The following EEF2KMT variants were observed in gnomAD, a reference collection of about 807,000 sequenced individuals.
The protein encoded by EEF2KMT is protein-lysine N-methyltransferase EEF2KMT.
In EEF2KMT, 30 loss-of-function variants were observed where a neutral mutation model predicts 35.1. The ratio of observed to expected loss-of-function variants is 0.85; its 90% CI spans 0.64 to 1.16. EEF2KMT has a LOEUF of 1.16. Among genes scored for constraint, EEF2KMT ranks in the 50% most tolerant of loss-of-function variants. The probability of loss-of-function intolerance (pLI) is 0.00; values close to 1 mark genes in which losing one functional copy is unlikely to be tolerated. For synonymous variants in EEF2KMT, 190 were observed against 187.7 expected (o/e 1.01, Z -0.10); for missense variants, 499 against 438.2 (o/e 1.14, Z -1.24).
intron 4 of EEF2KMT, among the ~76,000 whole-genome samples, chr16:5,091,458 A>C (rs1013572648): frequency 4.6e-5 from 7 of 151,400 alleles, no homozygotes; most frequent in Non-Finnish European, 8.8e-5. Context: ...CCTCAGATGC[A>C]ACCACTTCGG....
At chr16:5,093,645 C>T (rs1208621222) in intron 2 of EEF2KMT, 81 bp from the exon 3 acceptor site, 3 of 1,600,204 alleles carry the variant, frequency 1.9e-6, no homozygotes, top group South Asian at 1.1e-5. Flanking sequence ...CAGCAGAGGG[C>T]AAACTCCAGG....
At chr16:5,086,107 G>A (rs568129805) in intron 7 of EEF2KMT, among the ~76,000 whole-genome samples, 9 of 152,256 alleles carry the variant, frequency 5.9e-5, no homozygotes, top group Admixed American at 2.0e-4. Context: ...AGGCCAAGGC[G>A]GGCGGATCAC....
chr16:5,090,494 T>C lies in EEF2KMT; in HGVS notation c.414A>G (p.Thr138=), dbSNP rs749890652. The C allele has an allele frequency of 1.2e-4, 186 of 1,611,810 alleles. 1 individual carries two copies. The highest frequency in any genetic ancestry group is 3.5e-4 in the Admixed American group (21 of 59,988). The change falls in exon 5 of 8, where the codon ACA becomes ACG. Residue 138 remains threonine (T), a synonymous_variant. Coordinates refer to ENST00000427587, the MANE Select transcript of EEF2KMT (RefSeq NM_201400.4). This position sits in a 1 kb window ranked among gnomAD's most constrained non-coding sequence, Gnocchi z 4.1. Reference sequence around the variant, plus strand: ...CTGCAAGGTAGAGGGCGGCGTCCCATGTGACCAGGCCTGTGGTACCGTAGG... The same window carrying C: ...CTGCAAGGTAGAGGGCGGCGTCCCACGTGACCAGGCCTGTGGTACCGTAGG... The part of the protein sequence containing the change: ...IISYGTTGLV[T]WDAALYLAEW...
In EEF2KMT at chr16:5,091,900, G is replaced by C; in HGVS notation, c.241-5C>G. On this transcript the variant is annotated splice_region_variant and splice_polypyrimidine_tract_variant and intron_variant, in intron 3 of 7. Coordinates refer to ENST00000427587, the MANE Select transcript of EEF2KMT (RefSeq NM_201400.4). ...CTCTGTGTGGACAGCCTCGTGCTGG[G>C]GGCAGACAGAGTGAGAGCTTGTTTG... 6.2e-7 allele frequency: 1 copy of C among 1,611,722 alleles called. No homozygotes were observed. Among genetic ancestry groups the C allele is most frequent in the Non-Finnish European group, 8.5e-7 (1 of 1,179,678 alleles).
chr16:5,087,868 T>C (rs1468194103), intron 7 of EEF2KMT, among the ~76,000 whole-genome samples: 1 of 151,030 alleles, frequency 6.6e-6, no homozygotes, highest in Non-Finnish European at 1.5e-5. Context: ...ACTGTTTTTT[T>C]CACTTAAAAT....
In EEF2KMT at chr16:5,091,724, C is replaced by G. The variant is rs1957343816; in HGVS notation, c.342+70G>C. Reference sequence around the variant, plus strand: ...GTGAGTCAGGATTTGAACCCACACCCACGTTTTCACTTTGTCTGTGCAGGA... The same window carrying G: ...GTGAGTCAGGATTTGAACCCACACCGACGTTTTCACTTTGTCTGTGCAGGA... On this transcript the variant is annotated intron_variant, in intron 4 of 7. Coordinates refer to ENST00000427587, the MANE Select transcript of EEF2KMT (RefSeq NM_201400.4). The G allele has an allele frequency of 4.4e-6, 7 of 1,598,544 alleles. No homozygotes were observed. The East Asian group carries it at 6.8e-5, about 15-fold the overall frequency.
intron 6 of EEF2KMT, among the ~76,000 whole-genome samples, 177 bp downstream of exon 6, chr16:5,089,907 G>A (rs1466270383): frequency 2.6e-5 from 4 of 152,236 alleles, no homozygotes; most frequent in Non-Finnish European, 4.4e-5. Context: ...TGGGTTGAAG[G>A]TCACCTTAAG....
At chr16:5,089,073 G>T in intron 7 of EEF2KMT, 34 bp downstream of exon 7, 2 of 1,611,376 alleles carry the variant, frequency 1.2e-6, no homozygotes, top group Non-Finnish European at 1.7e-6. Flanking sequence ...ACAGCTCAGG[G>T]ACCATGCAGG....
At position 5,085,695 on chromosome 16, in the gene EEF2KMT, A is replaced by T. The variant is rs1301894696; in HGVS notation, c.930T>A (p.His310Gln). The T allele has an allele frequency of 5.6e-6, 9 of 1,611,916 alleles. No individual in the cohort carries two copies. In the South Asian group the frequency reaches 8.8e-5, roughly 16 times the overall value. The change falls in exon 8 of 8, where the codon CAT becomes CAA. Residue 310 changes from histidine (H) to glutamine (Q), a missense_variant. His to Gln is a conservative substitution (Grantham distance 24, BLOSUM62 0). Transcript: ENST00000427587. Reference protein sequence around the residue: ...AGIRWEVEPRHEQKLFPYEEH... With the variant: ...AGIRWEVEPRQEQKLFPYEEH... ...CTTCGTAGGGAAACAGTTTCTGCTC[A>T]TGACGAGGTTCCACTTCCCATCTGA... is the stretch of plus-strand genomic sequence containing the variant.
chr16:5,097,508 G>A lies in EEF2KMT; in HGVS notation c.96+136C>T, dbSNP rs769555181. ...GCCAGGCCCCAGGGACGGGGACCGG[G>A]TCGCGCGGCCCTGACCGGCGGGAGC... On this transcript the variant is annotated intron_variant, in intron 1 of 7. Coordinates refer to ENST00000427587, the MANE Select transcript of EEF2KMT (RefSeq NM_201400.4). The A allele has an allele frequency of 4.8e-6, 7 of 1,453,524 alleles. No individual in the cohort carries two copies. The East Asian group carries it at 1.5e-4, about 31-fold the overall frequency. The allele number at this position is 1,453,524 out of a possible 1,614,324, so 90.0% of individuals were successfully genotyped here.
At position 5,084,894 on chromosome 16, in the gene EEF2KMT, A is replaced by T. The variant is rs1305255176; in HGVS notation, c.*738T>A. On this transcript the variant is annotated 3_prime_UTR_variant, in exon 8 of 8. Coordinates refer to ENST00000427587, the MANE Select transcript of EEF2KMT (RefSeq NM_201400.4). ...TATGGACACATAACTCCTGGGCCAG[A>T]GGCTAAAACCCCAGGACCCCTGCTG... 6.3e-7 allele frequency: 1 copy of T among 1,579,708 alleles called. No individual in the cohort carries two copies. Among genetic ancestry groups the T allele is most frequent in the Non-Finnish European group, 8.5e-7 (1 of 1,170,938 alleles).
intron 7 of EEF2KMT, among the ~76,000 whole-genome samples, chr16:5,087,927 T>C (rs1957241775): frequency 8.9e-5 from 2 of 22,416 alleles, no homozygotes; most frequent in African/African-American, 1.7e-4. Flanking sequence ...GACTTCCTTT[T>C]TTTTTTTTTA....
In EEF2KMT at chr16:5,085,684, A is replaced by G; in HGVS notation, c.941T>C (p.Leu314Pro). Residue 314 changes from leucine to proline, a missense_variant, in exon 8 of 8, where the codon CTG becomes CCG. By Grantham distance (98) the Leu-to-Pro change is moderately conservative (BLOSUM62 -3). Coordinates refer to ENST00000427587, the MANE Select transcript of EEF2KMT (RefSeq NM_201400.4). The stretch of plus-strand genomic sequence containing the variant: ...CTCCAAGTGCTCTTCGTAGGGAAAC[A>G]GTTTCTGCTCATGACGAGGTTCCAC... The part of the protein sequence containing the change: ...WEVEPRHEQK[L>P]FPYEEHLEMA... 1 of 1,611,906 alleles carries G rather than the reference A, an allele frequency of 6.2e-7. No individual in the cohort carries two copies. The highest frequency in any genetic ancestry group is 8.5e-7 in the Non-Finnish European group (1 of 1,179,806).
In EEF2KMT at chr16:5,097,405, G is replaced by A. The variant is rs576877275; in HGVS notation, c.96+239C>T. 16 of 1,463,864 alleles carry A rather than the reference G, an allele frequency of 1.1e-5. No individual in the cohort carries two copies. In the East Asian group the frequency reaches 3.6e-4, roughly 33 times the overall value. 90.7% of individuals were successfully genotyped at this position (1,463,864 alleles called of 1,614,324 possible). On this transcript the variant is annotated intron_variant, in intron 1 of 7. Coordinates refer to ENST00000427587, the MANE Select transcript of EEF2KMT (RefSeq NM_201400.4). Reference sequence around the variant, plus strand: ...GAACTGTACCCCACACCGAGCGCGCGTCTGCCCCCCAAGGCTGTGGAGACG... The same window carrying A: ...GAACTGTACCCCACACCGAGCGCGCATCTGCCCCCCAAGGCTGTGGAGACG...
At chr16:5,088,995 G>A (rs755064516) in intron 7 of EEF2KMT, 112 bp downstream of exon 7, 2 of 1,594,206 alleles carry the variant, frequency 1.3e-6, no homozygotes, top group South Asian at 1.1e-5. Flanking sequence ...CCCATGGTGT[G>A]GGAGTGTGGG....
intron 3 of EEF2KMT, among the ~76,000 whole-genome samples, chr16:5,092,650 A>G (rs1045895620): frequency 2.0e-5 from 3 of 152,170 alleles, no homozygotes; most frequent in African/African-American, 7.2e-5. Context: ...CAAACCCTGC[A>G]TGTTCGGGCG....
rs770208872 is a variant in EEF2KMT at position 5,088,480 on chromosome 16, AGT to A, written c.892+625_892+626del. Among the ~76,000 whole-genome samples, 65 of 151,640 alleles carry A rather than the reference AGT, an allele frequency of 4.3e-4. 1 individual carries two copies. Among genetic ancestry groups the A allele is most frequent in the Non-Finnish European group, 8.4e-4 (57 of 67,848 alleles). ...TGGTGGCACTGGGGGGCTTGGGTGTAGTGTGGAGGCGTGAGAGCCAGGTGGCT... is the reference window on the plus strand; with the variant it reads ...TGGTGGCACTGGGGGGCTTGGGTGTAGTGGAGGCGTGAGAGCCAGGTGGCT... On this transcript the variant is annotated intron_variant, in intron 7 of 7. Coordinates refer to ENST00000427587, the MANE Select transcript of EEF2KMT (RefSeq NM_201400.4).
At position 5,095,822 on chromosome 16, in the gene EEF2KMT, T is replaced by G. The variant is rs564870106; in HGVS notation, c.97-308A>C. Among the ~76,000 whole-genome samples the G allele has an allele frequency of 6.8e-4, 55 of 80,620 alleles. 1 individual carries two copies. The South Asian group carries it at 0.025, about 37-fold the overall frequency. 52.9% of individuals were successfully genotyped at this position (80,620 alleles called of 152,430 possible). Reference sequence around the variant, plus strand: ...CCAGGGCAGCCATGGCACCAAGGTTTGATGGGCTTGCCATCTAAGTGGAGA... The same window carrying G: ...CCAGGGCAGCCATGGCACCAAGGTTGGATGGGCTTGCCATCTAAGTGGAGA... On this transcript the variant is annotated intron_variant, in intron 1 of 7. Coordinates refer to ENST00000427587, the MANE Select transcript of EEF2KMT (RefSeq NM_201400.4).
intron 2 of EEF2KMT, among the ~76,000 whole-genome samples, chr16:5,095,137 C>T (rs1957427779): frequency 6.6e-6 from 1 of 152,222 alleles, no homozygotes; most frequent in South Asian, 2.1e-4. Context: ...TGAACATCAA[C>T]CAAATGCTAG....
Sources: allele counts gnomAD v4.1 joint callset (sites outside exome capture counted in the v4.1 genomes callset), GRCh38; gene constraint gnomAD v4.1.1; non-coding constraint Gnocchi (gnomAD v3.1); transcripts MANE v1.5; gene names NCBI Gene and HGNC (gene_info 2026-07-23, HGNC 2026-07-21).